The following HMCN2 variants were observed in gnomAD, a reference collection of about 807,000 sequenced individuals.
HMCN2 encodes hemicentin 2.
A neutral mutation model predicts 377.5 loss-of-function variants in HMCN2; 325 were observed. That is an observed-to-expected ratio of 0.86 (90% CI 0.79 to 0.94). The LOEUF (loss-of-function observed/expected upper bound fraction) is 0.94, where lower values mean the gene tolerates loss of function less well. Ranked by LOEUF, HMCN2 falls within the 40% of genes least tolerant of loss-of-function variation. The pLI, the probability that HMCN2 is intolerant of heterozygous loss-of-function variation, is 0.00. For synonymous variants in HMCN2, 2,007 were observed against 2,046.8 expected (o/e 0.98, Z 0.53); for missense variants, 4,543 against 4,725.3 (o/e 0.96, Z 1.13).
chr9:130,304,202 C>A lies in HMCN2; in HGVS notation c.1544-528C>A, dbSNP rs563459610. On this transcript the variant is annotated intron_variant, in intron 10 of 97. Coordinates refer to ENST00000683500, the MANE Select transcript of HMCN2 (RefSeq NM_001291815.2). This position sits in a 1 kb window ranked among gnomAD's most constrained non-coding sequence, Gnocchi z 4.3. ...CCTCCATTCTGCCATTTGATTTACT[C>A]CCTTTTAGGTTTTTTTCTATGTTCA... Among the ~76,000 whole-genome samples, 26 of 152,290 alleles carry A rather than the reference C, an allele frequency of 1.7e-4. No individual in the cohort carries two copies. The highest frequency in any genetic ancestry group is 6.3e-4 in the African/African-American group (26 of 41,558).
intron 15 of HMCN2, among the ~76,000 whole-genome samples, chr9:130,317,902 A>T (rs1433913783): frequency 6.6e-6 from 1 of 152,062 alleles, no homozygotes; most frequent in Non-Finnish European, 1.5e-5. Flanking sequence ...AATCAGAGGC[A>T]TTCTTGGAGT....
intron 4 of HMCN2, among the ~76,000 whole-genome samples, chr9:130,293,156 G>GA (rs1383777522): frequency 6.6e-6 from 1 of 150,934 alleles, no homozygotes; most frequent in African/African-American, 2.4e-5. Context: ...TTGTTTATAA[G>GA]AAAAAAATCT....
Position 130,397,714 on chromosome 9 carries a change from AG to A in HMCN2, c.11326+60del, listed in dbSNP as rs1205681385. ...TCCCTGTCGGGGTCCAGTCCTTCTT[AG>A]TTTCTGAGTCACCCCAGCTGTAGGG... is the stretch of plus-strand genomic sequence containing the variant. On this transcript the variant is annotated intron_variant, in intron 74 of 97. Coordinates refer to ENST00000683500, the MANE Select transcript of HMCN2 (RefSeq NM_001291815.2). The A allele has an allele frequency of 2.4e-6, 3 of 1,268,386 alleles. No individual in the cohort carries two copies. In the African/African-American group the frequency reaches 4.6e-5, roughly 19 times the overall value. 78.6% of individuals were successfully genotyped at this position (1,268,386 alleles called of 1,614,324 possible).
chr9:130,305,508 T>C (rs76915405), intron 11 of HMCN2, among the ~76,000 whole-genome samples: 2,172 of 152,226 alleles, frequency 0.014, 38 homozygotes, highest in African/African-American at 0.035. Context: ...AAAACAAGCA[T>C]GTTGAACAAG....
intron 1 of HMCN2, among the ~76,000 whole-genome samples, chr9:130,267,051 C>T (rs62586047): frequency 0.23 from 34,684 of 151,706 alleles, 4,041 homozygotes; most frequent in South Asian, 0.29. Flanking sequence ...GCTCAGGTGA[C>T]CCTCCTGCTT....
chr9:130,349,655 G>A lies in HMCN2; in HGVS notation c.4422G>A (p.Lys1474=). 7.7e-7 allele frequency: 1 copy of A among 1,303,490 alleles called. No individual in the cohort carries two copies. The highest frequency in any genetic ancestry group is 1.0e-6 in the Non-Finnish European group (1 of 988,440). 80.7% of individuals were successfully genotyped at this position (1,303,490 alleles called of 1,614,324 possible). A position where few individuals can be genotyped will look rare whatever the true frequency, so the allele number is the denominator to read the frequency against. The change falls in exon 29 of 98, where the codon AAG becomes AAA. Residue 1474 remains lysine (K), a synonymous_variant. Transcript: ENST00000683500. Reference sequence around the variant, plus strand: ...CCACGCCCCAGGTGGAGTGGACCAAGGACAGGCAGTGAGTGCCCCCCTCCC... The same window carrying A: ...CCACGCCCCAGGTGGAGTGGACCAAAGACAGGCAGTGAGTGCCCCCCTCCC... The part of the protein sequence containing the change: ...GVPTPQVEWT[K]DRQPVLPGGP...
At chr9:130,339,928 G>A (rs1440673858) in intron 23 of HMCN2, among the ~76,000 whole-genome samples, 1 of 152,214 alleles carries the variant, frequency 6.6e-6, no homozygotes, top group African/African-American at 2.4e-5. Context: ...CTGGAGCAAG[G>A]TGGCCCCTGG....
chr9:130,350,506 G>A lies in HMCN2; in HGVS notation c.4430+843G>A, dbSNP rs544890083. Among the ~76,000 whole-genome samples, 26 of 148,258 alleles carry A rather than the reference G, an allele frequency of 1.8e-4. 1 individual carries two copies. In the East Asian group the frequency reaches 5.4e-3, roughly 31 times the overall value. ...TAGGAGGTGGAGGTTGCAGTGAGCTGAGATCAAGCCACTGCACTCCAGCCT... is the reference window on the plus strand; with the variant it reads ...TAGGAGGTGGAGGTTGCAGTGAGCTAAGATCAAGCCACTGCACTCCAGCCT... On this transcript the variant is annotated intron_variant, in intron 29 of 97. Transcript: ENST00000683500.
Position 130,357,922 on chromosome 9 carries a change from G to A in HMCN2, c.5514G>A (p.Val1838=). Residue 1838 remains valine, a synonymous_variant, in exon 35 of 98, where the codon GTG becomes GTA. Transcript: ENST00000683500. ...CCCTCCAGTGCATAGGGGATGGGGT[G>A]CCCACCCCAAGCCTCCGTTGGTGGA... is the stretch of plus-strand genomic sequence containing the variant. ...PVTLQCIGDG[V]PTPSLRWWKD... 1 of 1,304,198 alleles carries A rather than the reference G, an allele frequency of 7.7e-7. No individual in the cohort carries two copies. The highest frequency in any genetic ancestry group is 1.2e-5 in the South Asian group (1 of 81,030). The allele number at this position is 1,304,198 out of a possible 1,614,324, so 80.8% of individuals were successfully genotyped here.
intron 25 of HMCN2, among the ~76,000 whole-genome samples, chr9:130,345,827 C>A (rs1839364598): frequency 6.6e-6 from 1 of 151,924 alleles, no homozygotes; most frequent in African/African-American, 2.4e-5. Context: ...TCCCTCATGC[C>A]AGCAGGGAGG....
intron 40 of HMCN2, among the ~76,000 whole-genome samples, chr9:130,363,909 A>C (rs1319043386): frequency 1.7e-5 from 1 of 59,670 alleles, no homozygotes; most frequent in Non-Finnish European, 5.3e-5. Flanking sequence ...GGGAGAGAGA[A>C]AGAAAAAGAA....
Position 130,430,272 on chromosome 9 carries a change from A to C in HMCN2, c.14327-12A>C, listed in dbSNP as rs1004543698. The C allele has an allele frequency of 5.2e-6, 8 of 1,528,030 alleles. No homozygotes were observed. Among genetic ancestry groups the C allele is most frequent in the Middle Eastern group, 1.7e-4 (1 of 5,762 alleles). The allele number at this position is 1,528,030 out of a possible 1,614,324, so 94.7% of individuals were successfully genotyped here. On this transcript the variant is annotated splice_polypyrimidine_tract_variant and intron_variant, in intron 94 of 97. Transcript: ENST00000683500. ...GCCACCTGTGCACACACCTGACCCC[A>C]CCCGTCTGCAGATGTCAATGAGTGC...
chr9:130,362,235 G>A (rs1441705329), intron 39 of HMCN2, 70 bp downstream of exon 39: 2 of 964,402 alleles, frequency 2.1e-6, no homozygotes, highest in African/African-American at 1.8e-5. Flanking sequence ...CAGAGGTCAG[G>A]CCCTGGGAAC....
Position 130,361,890 on chromosome 9 carries a change from G to A in HMCN2, c.5951-118G>A. The A allele has an allele frequency of 1.7e-6, 1 of 583,458 alleles. No homozygotes were observed. Among genetic ancestry groups the A allele is most frequent in the Non-Finnish European group, 2.2e-6 (1 of 462,486 alleles). 36.1% of individuals were successfully genotyped at this position (583,458 alleles called of 1,614,324 possible). ...AGTGGCTCAGAGCCCGTGTCTGGATGGCTGTCCTTGTGCTTTTGCTGTGGC... is the reference window on the plus strand; with the variant it reads ...AGTGGCTCAGAGCCCGTGTCTGGATAGCTGTCCTTGTGCTTTTGCTGTGGC... On this transcript the variant is annotated intron_variant, in intron 38 of 97. Coordinates refer to ENST00000683500, the MANE Select transcript of HMCN2 (RefSeq NM_001291815.2). This position sits in a 1 kb window ranked among gnomAD's most constrained non-coding sequence, Gnocchi z 4.8.
chr9:130,380,728 A>G (rs1422407214), intron 54 of HMCN2, among the ~76,000 whole-genome samples: 1 of 151,516 alleles, frequency 6.6e-6, no homozygotes. Context: ...TCAAGGCTTC[A>G]GTGAGCCGTG....
intron 4 of HMCN2, among the ~76,000 whole-genome samples, chr9:130,290,742 C>T (rs1171575283): frequency 2.0e-5 from 3 of 151,684 alleles, no homozygotes; most frequent in Non-Finnish European, 2.9e-5. Flanking sequence ...CTAGGCAAGA[C>T]ACAACAATGA....
chr9:130,323,241 C>T (rs1837945226), intron 19 of HMCN2, among the ~76,000 whole-genome samples: 2 of 152,198 alleles, frequency 1.3e-5, no homozygotes, highest in Admixed American at 1.3e-4. Context: ...GCTGTGGCGA[C>T]CTGGGAGTCC....
At chr9:130,427,287 TAG>T in intron 90 of HMCN2, 24 bp from the exon 91 acceptor site, 1 of 1,549,968 alleles carries the variant, frequency 6.5e-7, no homozygotes, top group Non-Finnish European at 8.7e-7. Context: ...CTCATGTCCT[TAG>T]AGTCTATCCT....
intron 15 of HMCN2, among the ~76,000 whole-genome samples, chr9:130,313,260 C>T (rs1180121620): frequency 2.0e-5 from 3 of 151,732 alleles, no homozygotes; most frequent in South Asian, 2.1e-4. Context: ...GTACTGTGCC[C>T]GCTTCCTGCT....
Sources: gnomAD v4.1 joint callset for allele counts (sites outside exome capture counted in the v4.1 genomes callset) on GRCh38, gnomAD v4.1.1 for gene constraint, Gnocchi (gnomAD v3.1) non-coding constraint, MANE v1.5 for transcripts, NCBI Gene and HGNC (gene_info 2026-07-23, HGNC 2026-07-21) for gene names.